ECPAS: variants seen among roughly 807,000 people sequenced by gnomAD.
ECPAS encodes the protein proteasome adapter and scaffold protein ECM29.
Under a neutral mutation model 255.1 loss-of-function variants are expected in ECPAS, and 70 were observed. The observed-to-expected ratio is 0.27, with a 90% confidence interval of 0.23 to 0.33. ECPAS has a LOEUF of 0.33. ECPAS is among the 10% of genes least tolerant of loss of function. The pLI, the probability that ECPAS is intolerant of heterozygous loss-of-function variation, is 1.00. For missense variants in ECPAS, 1,817 were observed against 2,206.4 expected (o/e 0.82, Z 3.54); for synonymous variants, 784 against 775.0 (o/e 1.01, Z -0.19).
intron 32 of ECPAS, 89 bp from the exon 33 acceptor site, chr9:111,385,531 G>T: frequency 1.3e-6 from 1 of 793,662 alleles, no homozygotes; most frequent in Non-Finnish European, 2.1e-6. Context: ...TACAGATTCT[G>T]CCTCTAATTC....
At chr9:111,392,719 A>C in intron 28 of ECPAS, 49 bp downstream of exon 28, 8 of 1,263,512 alleles carry the variant, frequency 6.3e-6, no homozygotes, top group African/African-American at 1.5e-5. Context: ...CACTATGTGT[A>C]GAGACTTCCT....
At chr9:111,447,210 G>C (rs973276359) in intron 3 of ECPAS, among the ~76,000 whole-genome samples, 1 of 151,332 alleles carries the variant, frequency 6.6e-6, no homozygotes. Context: ...CTGCAGCCTC[G>C]AACTCCTAGT....
chr9:111,429,580 G>T (rs2098226846), intron 9 of ECPAS, among the ~76,000 whole-genome samples: 1 of 152,174 alleles, frequency 6.6e-6, no homozygotes, highest in South Asian at 2.1e-4. Context: ...GCACATTCAT[G>T]TGTACAGCCA....
At chr9:111,434,348 T>C (rs1342895547) in intron 7 of ECPAS, among the ~76,000 whole-genome samples, 2 of 152,090 alleles carry the variant, frequency 1.3e-5, no homozygotes, top group African/African-American at 4.8e-5. Flanking sequence ...AAACTGAAAA[T>C]GATACAGATG....
In ECPAS at chr9:111,417,919, A is replaced by C. The variant is rs758626822; in HGVS notation, c.1647T>G (p.Pro549=). 1.9e-6 allele frequency: 3 copies of C among 1,586,478 alleles called. No individual in the cohort carries two copies. In the East Asian group the frequency reaches 6.8e-5, roughly 36 times the overall value. ...NRKESTSEQM[P]SFPEMVYYIQ... is the part of the protein sequence containing the mutation. ...TGTAATAAACCATTTCTGGGAAGGA[A>C]GGCATCTGCTCAGAAGTACTTTCTT... Residue 549 remains proline, a synonymous_variant, in exon 17 of 50, where the codon CCT becomes CCG. Coordinates refer to ENST00000684092, the MANE Select transcript of ECPAS (RefSeq NM_001364929.1).
intron 13 of ECPAS, 36 bp from the exon 14 acceptor site, chr9:111,422,236 A>G (rs766795676): frequency 1.9e-6 from 3 of 1,583,184 alleles, no homozygotes; most frequent in Middle Eastern, 1.7e-4. Flanking sequence ...TACTATCATA[A>G]ATTTCCAAGA....
chr9:111,458,192 T>C (rs1415500836), intron 2 of ECPAS, among the ~76,000 whole-genome samples: 1 of 152,196 alleles, frequency 6.6e-6, no homozygotes, highest in Non-Finnish European at 1.5e-5. Context: ...GACCTATATT[T>C]TCATGTCAGA....
chr9:111,429,693 A>T (rs1478259047), intron 9 of ECPAS, among the ~76,000 whole-genome samples: 4 of 152,212 alleles, frequency 2.6e-5, no homozygotes, highest in Non-Finnish European at 4.4e-5. Flanking sequence ...TTTTAAAACA[A>T]GTATTTATGG....
intron 34 of ECPAS, among the ~76,000 whole-genome samples, chr9:111,383,814 C>G (rs1311768124): frequency 6.6e-6 from 1 of 151,966 alleles, no homozygotes; most frequent in Non-Finnish European, 1.5e-5. Flanking sequence ...CCCAGCTCTC[C>G]AGGAGGCTGA....
chr9:111,362,314 C>G (rs950414467), intron 49 of ECPAS, 145 bp from the exon 50 acceptor site: 2 of 640,230 alleles, frequency 3.1e-6, no homozygotes, highest in Non-Finnish European at 2.6e-6. Context: ...CTCTTGATAA[C>G]AGATCAGTAT....
At chr9:111,371,925 C>T in intron 42 of ECPAS, 96 bp from the exon 43 acceptor site, 1 of 873,624 alleles carries the variant, frequency 1.1e-6, no homozygotes, top group Non-Finnish European at 1.8e-6. Flanking sequence ...AGTCTAAAAG[C>T]AGTGACTCTC....
rs1019112115 is a variant in ECPAS, at chr9:111,371,739, T to C, written c.4619A>G (p.Gln1540Arg). 3.7e-6 allele frequency: 6 copies of C among 1,613,778 alleles called. No individual in the cohort carries two copies. Among genetic ancestry groups the C allele is most frequent in the Non-Finnish European group, 5.1e-6 (6 of 1,179,790 alleles). Reference sequence around the variant, plus strand: ...AATTGATGCCATGGCAATTGCACCCTGGGCTTTCATTTTCCAGGACTGAGA... The same window carrying C: ...AATTGATGCCATGGCAATTGCACCCCGGGCTTTCATTTTCCAGGACTGAGA... ...LQSQSWKMKA[Q>R]GAIAMASIAK... Residue 1540 changes from glutamine (Q) to arginine (R), a missense_variant, in exon 43 of 50, where the codon CAG (glutamine) becomes CGG (arginine). Gln to Arg is a conservative substitution (Grantham distance 43). Coordinates refer to ENST00000684092, the MANE Select transcript of ECPAS (RefSeq NM_001364929.1).
chr9:111,407,428 A>AAAAAAAAAAAAAAAAAGAAAAAAAAG (rs751687233), intron 24 of ECPAS, among the ~76,000 whole-genome samples: 2 of 98,726 alleles, frequency 2.0e-5, no homozygotes, highest in Admixed American at 2.0e-4. Context: ...AAAAAAAAAA[A>AAAAAAAAAAAAAAAAAGAAAAAAAAG]AAAAAAAAAA....
chr9:111,407,750 G>A (rs1201682860), intron 24 of ECPAS, among the ~76,000 whole-genome samples: 1 of 152,070 alleles, frequency 6.6e-6, no homozygotes, highest in Admixed American at 6.6e-5. Context: ...TGATTCTACT[G>A]CCTTACATGC....
intron 20 of ECPAS, among the ~76,000 whole-genome samples, chr9:111,413,492 A>G (rs1301653501): frequency 6.6e-6 from 1 of 152,206 alleles, no homozygotes; most frequent in Non-Finnish European, 1.5e-5. Context: ...CATGCCATAT[A>G]TAAGTGGTCA....
chr9:111,478,028 G>C (rs1379354482), intron 1 of ECPAS, among the ~76,000 whole-genome samples: 1 of 151,562 alleles, frequency 6.6e-6, no homozygotes, highest in Non-Finnish European at 1.5e-5. Flanking sequence ...AGCCTCCCAA[G>C]TAGCTGGGAC....
chr9:111,484,142 C>T lies in ECPAS; in HGVS notation c.-109G>A, dbSNP rs1000991830. On this transcript the variant is annotated 5_prime_UTR_variant, in exon 1 of 50. Transcript: ENST00000684092. ...TGAGTCGGAGCCGGTCTCCATGCCG[C>T]GGACGCTGCGCTCGGCGCCGCGAGG... is the stretch of plus-strand genomic sequence containing the variant. 15 of 1,464,206 alleles carry T rather than the reference C, an allele frequency of 1.0e-5. No homozygotes were observed. Among genetic ancestry groups the T allele is most frequent in the East Asian group, 3.0e-5 (1 of 33,200 alleles). 90.7% of individuals were successfully genotyped at this position (1,464,206 alleles called of 1,614,324 possible).
intron 35 of ECPAS, 96 bp from the exon 36 acceptor site, chr9:111,378,826 A>G: frequency 1.6e-6 from 2 of 1,227,948 alleles, no homozygotes; most frequent in Admixed American, 2.8e-5. Flanking sequence ...TCACTGCATT[A>G]AAGCATATTT....
chr9:111,441,360 C>T (rs1589203707), intron 5 of ECPAS, among the ~76,000 whole-genome samples: 2 of 151,778 alleles, frequency 1.3e-5, no homozygotes, highest in East Asian at 3.9e-4. Flanking sequence ...AAAAAGTTTG[C>T]CGGCCATGGT....
Sources: allele counts gnomAD v4.1 joint callset (sites outside exome capture counted in the v4.1 genomes callset), GRCh38; gene constraint gnomAD v4.1.1; transcripts MANE v1.5; gene names NCBI Gene and HGNC (gene_info 2026-07-23, HGNC 2026-07-21).